The following NCEH1 variants were observed in gnomAD, a reference collection of about 807,000 sequenced individuals.
The protein encoded by NCEH1 is 2-acetyl MAGE hydrolase.
In NCEH1, 9 loss-of-function variants were observed where a neutral mutation model predicts 25.4. The ratio of observed to expected loss-of-function variants is 0.35; its 90% CI spans 0.21 to 0.62. NCEH1 has a LOEUF of 0.62. NCEH1 is among the 20% of genes least tolerant of loss of function. The probability of loss-of-function intolerance (pLI) is 0.72; values close to 1 mark genes in which losing one functional copy is unlikely to be tolerated. For missense variants in NCEH1, 412 were observed against 501.1 expected, an observed-to-expected ratio of 0.82 and a Z score of 1.70; for synonymous variants, 200 against 199.8, an observed-to-expected ratio of 1.00 and a Z score of -0.01.
chr3:172,668,457 C>T (rs370371321), intron 1 of NCEH1, among the ~76,000 whole-genome samples: 6 of 142,782 alleles, frequency 4.2e-5, no homozygotes, highest in African/African-American at 1.3e-4. Context: ...CAGGTTCAAG[C>T]GATTCTCCTG....
intron 1 of NCEH1, among the ~76,000 whole-genome samples, chr3:172,703,944 G>C (rs1045243164): frequency 2.6e-5 from 4 of 152,156 alleles, no homozygotes; most frequent in African/African-American, 9.7e-5. Context: ...AAAAATCCTA[G>C]CAAATCAGCT....
At chr3:172,693,950 G>A (rs1172657378) in intron 1 of NCEH1, among the ~76,000 whole-genome samples, 2 of 152,116 alleles carry the variant, frequency 1.3e-5, no homozygotes, top group Admixed American at 6.6e-5. Flanking sequence ...GGCTGGTGCA[G>A]TGGCCCAATC....
chr3:172,686,731 G>A (rs1712719664), intron 1 of NCEH1, among the ~76,000 whole-genome samples: 1 of 152,170 alleles, frequency 6.6e-6, no homozygotes, highest in South Asian at 2.1e-4. Context: ...CAGAAATGTG[G>A]TAGTACATGC....
chr3:172,639,540 T>A (rs1017774865), intron 3 of NCEH1, among the ~76,000 whole-genome samples: 1 of 152,202 alleles, frequency 6.6e-6, no homozygotes, highest in Non-Finnish European at 1.5e-5. Context: ...CAAAGCTATG[T>A]CCCTGCAAAG....
At chr3:172,675,322 TA>T (rs1375085275) in intron 1 of NCEH1, among the ~76,000 whole-genome samples, 9 of 150,660 alleles carry the variant, frequency 6.0e-5, no homozygotes, top group South Asian at 2.1e-4. Flanking sequence ...AATAAATAAA[TA>T]AATAAATAAA....
In NCEH1 at chr3:172,703,826, G is replaced by A. The variant is rs1713833575; in HGVS notation, c.138+7021C>T. 2.0e-5 allele frequency among the ~76,000 whole-genome samples: 3 copies of A among 152,136 alleles called. No individual in the cohort carries two copies. The South Asian group carries it at 6.2e-4, about 31-fold the overall frequency. Reference sequence around the variant, plus strand: ...TCAATCTGACCTTAATGTTTCATAGGTACTATCTGCAGAGACCAACTCAGG... The same window carrying A: ...TCAATCTGACCTTAATGTTTCATAGATACTATCTGCAGAGACCAACTCAGG... On this transcript the variant is annotated intron_variant, in intron 1 of 4. Transcript: ENST00000475381.
intron 1 of NCEH1, among the ~76,000 whole-genome samples, chr3:172,693,970 C>G (rs919114989): frequency 5.9e-5 from 9 of 152,128 alleles, no homozygotes; most frequent in African/African-American, 9.7e-5. Flanking sequence ...CATAGTACAC[C>G]ACAGCCTCAA....
chr3:172,659,371 TA>T (rs1717862098), intron 1 of NCEH1, among the ~76,000 whole-genome samples: 1 of 152,188 alleles, frequency 6.6e-6, no homozygotes, highest in Non-Finnish European at 1.5e-5. Flanking sequence ...ACCTGGCCTT[TA>T]ATCATCTGTG....
chr3:172,669,841 T>C lies in NCEH1; in HGVS notation c.139-21727A>G, dbSNP rs146453258. On this transcript the variant is annotated intron_variant, in intron 1 of 4. Coordinates refer to ENST00000475381, the MANE Select transcript of NCEH1 (RefSeq NM_020792.6). Reference sequence around the variant, plus strand: ...TGTGAGCCACTGTGTCCAGCTCATATCATTTTCAAAGGACTTGTGTAGCAT... The same window carrying C: ...TGTGAGCCACTGTGTCCAGCTCATACCATTTTCAAAGGACTTGTGTAGCAT... 9.1e-3 allele frequency among the ~76,000 whole-genome samples: 1,390 copies of C among 152,320 alleles called. 16 individuals carry two copies. The highest frequency in any genetic ancestry group is 0.031 in the African/African-American group (1,305 of 41,580).
intron 1 of NCEH1, among the ~76,000 whole-genome samples, chr3:172,652,338 G>T (rs755286765): frequency 1.3e-5 from 2 of 152,180 alleles, no homozygotes; most frequent in Non-Finnish European, 2.9e-5. Context: ...AGTTCAACAG[G>T]AATAGAAATG....
chr3:172,659,564 CCAGGCAAAAAACCTGTGTCTGCA>C (rs779321736), intron 1 of NCEH1, among the ~76,000 whole-genome samples: 4 of 152,186 alleles, frequency 2.6e-5, no homozygotes, highest in Non-Finnish European at 5.9e-5. Context: ...AGCTGTGCAG[CCAGGCAAAAAACCTGTGTCTGCA>C]CACATTTTTT....
chr3:172,684,346 G>C (rs1385888799), intron 1 of NCEH1, among the ~76,000 whole-genome samples: 2 of 152,168 alleles, frequency 1.3e-5, no homozygotes, highest in Non-Finnish European at 2.9e-5. Context: ...GTATGTCTTA[G>C]AGTTAAGAGA....
intron 3 of NCEH1, among the ~76,000 whole-genome samples, chr3:172,642,715 T>C (rs936259553): frequency 1.3e-5 from 2 of 150,644 alleles, no homozygotes; most frequent in African/African-American, 4.9e-5. Context: ...GATAGAGCAA[T>C]AATCCTCCAG....
In NCEH1 at chr3:172,705,002, C is replaced by T. The variant is rs543357930; in HGVS notation, c.138+5845G>A. Among the ~76,000 whole-genome samples the T allele has an allele frequency of 3.3e-5, 5 of 152,306 alleles. No homozygotes were observed. In the South Asian group the frequency reaches 1.0e-3, roughly 32 times the overall value. ...CTAGGTAACTGAGCACAAAGCATGG[C>T]ACTATGATAGCTATATCAGGGGATC... On this transcript the variant is annotated intron_variant, in intron 1 of 4. Coordinates refer to ENST00000475381, the MANE Select transcript of NCEH1 (RefSeq NM_020792.6).
chr3:172,642,898 G>A (rs1411403964), intron 3 of NCEH1, among the ~76,000 whole-genome samples: 1 of 152,140 alleles, frequency 6.6e-6, no homozygotes, highest in Non-Finnish European at 1.5e-5. Flanking sequence ...CGTGATTTCT[G>A]TTTCCAGGAG....
chr3:172,695,166 G>C (rs1713288058), intron 1 of NCEH1, among the ~76,000 whole-genome samples: 1 of 152,164 alleles, frequency 6.6e-6, no homozygotes, highest in South Asian at 2.1e-4. Flanking sequence ...CCCCAGAGTT[G>C]TCAATCATTT....
chr3:172,633,214 A>C lies in NCEH1; in HGVS notation c.*261T>G. On this transcript the variant is annotated 3_prime_UTR_variant, in exon 5 of 5. Transcript: ENST00000475381. ...AGTCCTGCTTTCTGTAGCTGTAGGT[A>C]TCAGTATAGTTGGCTAAGATAACAA... 2.3e-6 allele frequency: 1 copy of C among 425,740 alleles called. No individual in the cohort carries two copies. The highest frequency in any genetic ancestry group is 4.2e-6 in the Non-Finnish European group (1 of 235,372). The allele number at this position is 425,740 out of a possible 1,614,324, so 26.4% of individuals were successfully genotyped here.
chr3:172,633,657 C>T lies in NCEH1; in HGVS notation c.1045G>A (p.Val349Ile). The change falls in exon 5 of 5, where the codon GTC (valine) becomes ATC (isoleucine). Residue 349 changes from valine to isoleucine, a missense_variant. Val to Ile is a conservative substitution (Grantham distance 29). Coordinates refer to ENST00000475381, the MANE Select transcript of NCEH1 (RefSeq NM_020792.6). Reference protein sequence around the residue: ...KTYILTCEHDVLRDDGIMYAK... With the variant: ...KTYILTCEHDILRDDGIMYAK... Reference sequence around the variant, plus strand: ...TACATGATGCCATCGTCTCTGAGGACATCATGCTCACACGTCAGAATGTAG... The same window carrying T: ...TACATGATGCCATCGTCTCTGAGGATATCATGCTCACACGTCAGAATGTAG... 6.2e-7 allele frequency: 1 copy of T among 1,614,210 alleles called. No individual in the cohort carries two copies. Among genetic ancestry groups the T allele is most frequent in the South Asian group, 1.1e-5 (1 of 91,086 alleles).
intron 3 of NCEH1, among the ~76,000 whole-genome samples, chr3:172,637,701 C>A (rs2108489049): frequency 6.6e-6 from 1 of 152,270 alleles, no homozygotes; most frequent in Admixed American, 6.5e-5. Context: ...CCAGCCTGAC[C>A]AACATGGTGA....
Sources: gnomAD v4.1 joint callset for allele counts (sites outside exome capture counted in the v4.1 genomes callset) on GRCh38, gnomAD v4.1.1 for gene constraint, MANE v1.5 for transcripts, NCBI Gene and HGNC (gene_info 2026-07-23, HGNC 2026-07-21) for gene names.